TRAPPC9: variants seen among roughly 807,000 people sequenced by gnomAD.
The protein encoded by TRAPPC9 is IKK2 binding protein.
Under a neutral mutation model 124.0 loss-of-function variants are expected in TRAPPC9, and 83 were observed. The observed-to-expected ratio is 0.67, with a 90% confidence interval of 0.56 to 0.80. TRAPPC9 has a LOEUF of 0.80. Ranked by LOEUF, TRAPPC9 falls within the 30% of genes least tolerant of loss-of-function variation. TRAPPC9 has a pLI of 0.00. For synonymous variants in TRAPPC9, 638 were observed against 617.5 expected (o/e 1.03, Z -0.49); for missense variants, 1,302 against 1,508.3 (o/e 0.86, Z 2.27).
chr8:139,971,029 TCTC>T (rs1836028382), intron 19 of TRAPPC9, among the ~76,000 whole-genome samples: 1 of 150,354 alleles, frequency 6.7e-6, no homozygotes. Context: ...CCTGCCAAAT[TCTC>T]CTCCTACCCA....
intron 9 of TRAPPC9, among the ~76,000 whole-genome samples, chr8:140,329,487 A>G (rs1047818790): frequency 2.0e-5 from 3 of 152,216 alleles, no homozygotes; most frequent in Non-Finnish European, 4.4e-5. Flanking sequence ...GTGCTGCATT[A>G]GAGGCTCACC....
chr8:139,988,105 C>CTT (rs773534032), intron 19 of TRAPPC9, among the ~76,000 whole-genome samples: 95 of 114,462 alleles, frequency 8.3e-4, no homozygotes, highest in African/African-American at 1.3e-3. Flanking sequence ...GATACCACCT[C>CTT]TTTTTTTTTT....
At chr8:139,916,258 C>T (rs749543186) in intron 19 of TRAPPC9, 1 of 152,184 alleles carries the variant, frequency 6.6e-6, no homozygotes, top group Non-Finnish European at 1.5e-5. Flanking sequence ...CTGATTGAGG[C>T]TGATACACCC....
intron 17 of TRAPPC9, among the ~76,000 whole-genome samples, chr8:140,043,796 G>C (rs1018353971): frequency 2.6e-5 from 4 of 152,184 alleles, no homozygotes; most frequent in Non-Finnish European, 5.9e-5. Context: ...AATGGAAATG[G>C]GGCGATACAG....
intron 21 of TRAPPC9, among the ~76,000 whole-genome samples, chr8:139,757,370 G>C (rs1819913943): frequency 6.9e-6 from 1 of 145,558 alleles, no homozygotes; most frequent in African/African-American, 2.6e-5. Context: ...CCAGCGTTGG[G>C]GGATGAGGAC....
chr8:140,457,222 G>A (rs1196264409), intron 1 of TRAPPC9, among the ~76,000 whole-genome samples: 1 of 152,194 alleles, frequency 6.6e-6, no homozygotes, highest in African/African-American at 2.4e-5. Context: ...GCTTAGCCAG[G>A]CCCAGGGGCG....
chr8:139,992,590 A>G (rs1346703626), intron 18 of TRAPPC9, among the ~76,000 whole-genome samples: 1 of 151,190 alleles, frequency 6.6e-6, no homozygotes, highest in East Asian at 1.9e-4. Context: ...CAATAAGAAA[A>G]ATCCCAAAAG....
intron 20 of TRAPPC9, among the ~76,000 whole-genome samples, chr8:139,890,537 G>T (rs1394891107): frequency 6.6e-6 from 1 of 152,214 alleles, no homozygotes; most frequent in African/African-American, 2.4e-5. Flanking sequence ...GCTCACAGGT[G>T]GAGAGAGGGC....
At chr8:140,211,714 A>T (rs2063066257) in intron 17 of TRAPPC9, among the ~76,000 whole-genome samples, 1 of 152,264 alleles carries the variant, frequency 6.6e-6, no homozygotes, top group African/African-American at 2.4e-5. Context: ...AATGAGATAA[A>T]ACATACTTTA....
intron 17 of TRAPPC9, among the ~76,000 whole-genome samples, chr8:140,079,273 G>A (rs1843679191): frequency 6.6e-6 from 1 of 152,162 alleles, no homozygotes; most frequent in Admixed American, 6.5e-5. Context: ...TATTAGCAGA[G>A]TGAGAACAGA....
At chr8:140,205,074 T>A (rs771239890) in intron 17 of TRAPPC9, among the ~76,000 whole-genome samples, 10 of 152,204 alleles carry the variant, frequency 6.6e-5, no homozygotes, top group Non-Finnish European at 1.2e-4. Flanking sequence ...GAAGAAAGTA[T>A]GTGTAGGAAT....
intron 21 of TRAPPC9, among the ~76,000 whole-genome samples, chr8:139,876,969 G>A (rs536394397): frequency 5.9e-5 from 9 of 152,326 alleles, no homozygotes; most frequent in African/African-American, 2.2e-4. Context: ...AAGCTATCAG[G>A]TGGCTGCTCT....
At chr8:140,319,929 T>C (rs936897673) in intron 9 of TRAPPC9, among the ~76,000 whole-genome samples, 8 of 152,238 alleles carry the variant, frequency 5.3e-5, no homozygotes, top group African/African-American at 2.4e-5. Context: ...CAGTTATTCT[T>C]GTCTCTGCTA....
intron 21 of TRAPPC9, among the ~76,000 whole-genome samples, chr8:139,736,610 T>C (rs7824473): frequency 0.81 from 123,692 of 152,158 alleles, 50,528 homozygotes; most frequent in East Asian, 0.9. Context: ...CAAAAGGATG[T>C]CCTGGTCTCC....
chr8:139,766,314 C>T (rs192697620), intron 21 of TRAPPC9, among the ~76,000 whole-genome samples: 13 of 152,314 alleles, frequency 8.5e-5, no homozygotes, highest in Middle Eastern at 3.4e-3. Context: ...GTACTGGGGT[C>T]TGGCCATCCA....
chr8:139,756,996 T>G (rs1379707127), intron 21 of TRAPPC9, among the ~76,000 whole-genome samples: 608 of 37,198 alleles, frequency 0.016, no homozygotes, highest in South Asian at 0.024. Flanking sequence ...GAGGACAGCA[T>G]GTCGCAGGAG....
chr8:139,793,207 C>T (rs1051702959), intron 21 of TRAPPC9, among the ~76,000 whole-genome samples: 12 of 152,262 alleles, frequency 7.9e-5, no homozygotes, highest in African/African-American at 1.2e-4. Context: ...CCAGGGGACT[C>T]GGCTGTCCCC....
chr8:139,994,068 A>C (rs1289834598), intron 18 of TRAPPC9, among the ~76,000 whole-genome samples: 2 of 152,234 alleles, frequency 1.3e-5, no homozygotes, highest in African/African-American at 2.4e-5. Context: ...TCTTATAAAA[A>C]GTTACTTTTA....
chr8:140,421,214 A>C (rs1031408665), intron 5 of TRAPPC9, among the ~76,000 whole-genome samples: 1 of 152,224 alleles, frequency 6.6e-6, no homozygotes, highest in African/African-American at 2.4e-5. Flanking sequence ...AAGCTGCCAA[A>C]GCCTCTGAAA....
Sources: gnomAD v4.1 joint callset for allele counts (sites outside exome capture counted in the v4.1 genomes callset) on GRCh38, gnomAD v4.1.1 for gene constraint, MANE v1.5 for transcripts, NCBI Gene and HGNC (gene_info 2026-07-23, HGNC 2026-07-21) for gene names.